The following RPL27A variants were observed in gnomAD, a reference collection of about 807,000 sequenced individuals.
The protein encoded by RPL27A is ribosomal protein L27a.
For synonymous variants in RPL27A, 69 were observed against 68.3 expected, an observed-to-expected ratio of 1.01 and a Z score of -0.05; for missense variants, 118 against 189.4, an observed-to-expected ratio of 0.62 and a Z score of 2.21.
intron 4 of RPL27A, 111 bp from the exon 5 acceptor site, chr11:8,685,565 CAT>C: frequency 1.6e-6 from 2 of 1,224,900 alleles, no homozygotes; most frequent in South Asian, 2.4e-5. Context: ...AGATCAGAAA[CAT>C]ACATACCCTG....
intron 3 of RPL27A, 23 bp downstream of exon 3, chr11:8,684,104 T>C (rs765320333): frequency 7.5e-6 from 12 of 1,597,624 alleles, no homozygotes; most frequent in African/African-American, 2.7e-5. Flanking sequence ...GGACTGCTTT[T>C]ATTGACACAG....
At position 8,688,637 on chromosome 11, in the gene RPL27A, TTAAA is replaced by T. The variant is rs1354316261; in HGVS notation, c.*2834_*2837del. ...ATTTCTGGTCTAATGTATATATGCC[TTAAA>T]TATAGTTGCGTTCAAACGTGGGAGC... On this transcript the variant is annotated 3_prime_UTR_variant, in exon 5 of 5. Coordinates refer to ENST00000314138, the MANE Select transcript of RPL27A (RefSeq NM_000990.5). The T allele has an allele frequency of 1.3e-5, 2 of 152,244 alleles. No individual in the cohort carries two copies. The highest frequency in any genetic ancestry group is 2.9e-5 in the Non-Finnish European group (2 of 68,048). The allele number at this position is 152,244 out of a possible 1,614,324, so 9.4% of individuals were successfully genotyped here.
intron 4 of RPL27A, chr11:8,685,455 C>T (rs2039577449): frequency 4.3e-6 from 3 of 704,326 alleles, no homozygotes; most frequent in Admixed American, 1.8e-5. Flanking sequence ...ACTAGAGTCA[C>T]ATCCTGACAC....
In RPL27A at chr11:8,683,366, T is replaced by C. The variant is rs535058012; in HGVS notation, c.67+101T>C. The stretch of plus-strand genomic sequence containing the variant: ...ATAAGTGGGTTAGAATAAGACCTTT[T>C]TGTGGTCAAGTTGCACAGCTGTTGA... On this transcript the variant is annotated intron_variant, in intron 2 of 4. Coordinates refer to ENST00000314138, the MANE Select transcript of RPL27A (RefSeq NM_000990.5). 14 of 1,001,224 alleles carry C rather than the reference T, an allele frequency of 1.4e-5. No homozygotes were observed. In the African/African-American group the frequency reaches 1.9e-4, roughly 14 times the overall value. 62.0% of individuals were successfully genotyped at this position (1,001,224 alleles called of 1,614,324 possible). A position where few individuals can be genotyped will look rare whatever the true frequency, so the allele number is the denominator to read the frequency against.
chr11:8,683,058 C>G (rs999003335), intron 1 of RPL27A, 144 bp from the exon 2 acceptor site: 6 of 943,168 alleles, frequency 6.4e-6, no homozygotes, highest in African/African-American at 4.9e-5. Context: ...CCTCACGGCC[C>G]TGAGCGGATC....
At position 8,686,030 on chromosome 11, in the gene RPL27A, A is replaced by G. The variant is rs2039584271; in HGVS notation, c.*224A>G. On this transcript the variant is annotated 3_prime_UTR_variant, in exon 5 of 5. Transcript: ENST00000314138. ...AAACATTTCTGTTTATAAAGTCAGA[A>G]TAATACCTGTTGATCACTGAAAGGC... 4 of 521,234 alleles carry G rather than the reference A, an allele frequency of 7.7e-6. No homozygotes were observed. The highest frequency in any genetic ancestry group is 1.4e-5 in the Non-Finnish European group (4 of 290,080). 32.3% of individuals were successfully genotyped at this position (521,234 alleles called of 1,614,324 possible). A position where few individuals can be genotyped will look rare whatever the true frequency, so the allele number is the denominator to read the frequency against.
In RPL27A at chr11:8,684,032, C is replaced by T; in HGVS notation, c.94C>T (p.Arg32Cys). ...CAAGCACCGGAAGCACCCCGGCGGC[C>T]GCGGTAATGCTGGTGGTCTGCATCA... The part of the protein sequence containing the change: ...IGKHRKHPGG[R>C]GNAGGLHHHR... The change falls in exon 3 of 5, where the codon CGC (arginine) becomes TGC (cysteine). Residue 32 changes from arginine to cysteine, a missense_variant. By Grantham distance (180) the Arg-to-Cys change is radical. Coordinates refer to ENST00000314138, the MANE Select transcript of RPL27A (RefSeq NM_000990.5). The T allele has an allele frequency of 1.2e-6, 2 of 1,613,086 alleles. No homozygotes were observed. The highest frequency in any genetic ancestry group is 1.1e-5 in the South Asian group (1 of 91,086).
At chr11:8,684,288 A>G in intron 3 of RPL27A, 1 of 756,312 alleles carries the variant, frequency 1.3e-6, no homozygotes, top group Non-Finnish European at 2.4e-6. Context: ...GTCCTCGAAG[A>G]GTAACTGCTG....
chr11:8,685,029 AGGTAGT>A, intron 4 of RPL27A, 137 bp downstream of exon 4: 1 of 888,502 alleles, frequency 1.1e-6, no homozygotes, highest in Admixed American at 2.0e-5. Context: ...GAATTATCAT[AGGTAGT>A]TCCCTATCCG....
chr11:8,688,812 G>C lies in RPL27A; in HGVS notation c.*3006G>C, dbSNP rs1283477997. 2 of 152,250 alleles carry C rather than the reference G, an allele frequency of 1.3e-5. No homozygotes were observed. Among genetic ancestry groups the C allele is most frequent in the African/African-American group, 4.8e-5 (2 of 41,474 alleles). The allele number at this position is 152,250 out of a possible 1,614,324, so 9.4% of individuals were successfully genotyped here. A position where few individuals can be genotyped will look rare whatever the true frequency, so the allele number is the denominator to read the frequency against. ...TTAGCGGCTAACTAGCCCAAGAGCA[G>C]ACAGCCCACGGACGGACTGCAAGTC... is the stretch of plus-strand genomic sequence containing the variant. On this transcript the variant is annotated 3_prime_UTR_variant, in exon 5 of 5. Coordinates refer to ENST00000314138, the MANE Select transcript of RPL27A (RefSeq NM_000990.5).
chr11:8,684,802 C>A lies in RPL27A; in HGVS notation c.228C>A (p.Asp76Glu), dbSNP rs1439788404. The A allele has an allele frequency of 1.2e-6, 2 of 1,613,742 alleles. No individual in the cohort carries two copies. The highest frequency in any genetic ancestry group is 2.7e-5 in the African/African-American group (2 of 74,922). Reference sequence around the variant, plus strand: ...GCTTCTGCCCAACTGTCAACCTTGACAAATTGTGGACTTTGGTCAGTGAAC... The same window carrying A: ...GCTTCTGCCCAACTGTCAACCTTGAAAAATTGTGGACTTTGGTCAGTGAAC... The part of the protein sequence containing the change: ...NQSFCPTVNL[D>E]KLWTLVSEQT... The change falls in exon 4 of 5, where the codon GAC becomes GAA. Residue 76 changes from aspartate to glutamate, a missense_variant. Coordinates refer to ENST00000314138, the MANE Select transcript of RPL27A (RefSeq NM_000990.5).
rs537104376 is a variant in RPL27A, at chr11:8,689,212, C to T, written c.*3406C>T. ...ATGGCCAACCTCGCCGCACTTCGAGCCCCTTTAGGGTGCGTTTAAGAACAG... is the reference window on the plus strand; with the variant it reads ...ATGGCCAACCTCGCCGCACTTCGAGTCCCTTTAGGGTGCGTTTAAGAACAG... On this transcript the variant is annotated 3_prime_UTR_variant, in exon 5 of 5. Transcript: ENST00000314138. 5 of 152,380 alleles carry T rather than the reference C, an allele frequency of 3.3e-5. No homozygotes were observed. In the South Asian group the frequency reaches 6.2e-4, roughly 19 times the overall value. 9.4% of individuals were successfully genotyped at this position (152,380 alleles called of 1,614,324 possible).
intron 4 of RPL27A, 91 bp from the exon 5 acceptor site, chr11:8,685,587 T>A (rs772852279): frequency 2.1e-6 from 3 of 1,427,204 alleles, no homozygotes; most frequent in Non-Finnish European, 2.0e-6. Flanking sequence ...GCCTAGGGAT[T>A]TAGAAAGTGG....
Position 8,684,118 on chromosome 11 carries a change from G to A in RPL27A, c.143+37G>A, listed in dbSNP as rs747496080. ...TGGACTGCTTTTATTGACACAGCTT[G>A]GGAGGTAGGGGCAGAGAGAGGGCTG... On this transcript the variant is annotated intron_variant, in intron 3 of 4. Coordinates refer to ENST00000314138, the MANE Select transcript of RPL27A (RefSeq NM_000990.5). 9 of 1,547,714 alleles carry A rather than the reference G, an allele frequency of 5.8e-6. No homozygotes were observed. The East Asian group carries it at 1.1e-4, about 19-fold the overall frequency.
rs913487544 is a variant in RPL27A at position 8,686,941 on chromosome 11, G to A, written c.*1135G>A. The A allele has an allele frequency of 1.3e-5, 2 of 152,172 alleles. No homozygotes were observed. The highest frequency in any genetic ancestry group is 2.1e-4 in the South Asian group (1 of 4,832). The allele number at this position is 152,172 out of a possible 1,614,324, so 9.4% of individuals were successfully genotyped here. A position where few individuals can be genotyped will look rare whatever the true frequency, so the allele number is the denominator to read the frequency against. On this transcript the variant is annotated 3_prime_UTR_variant, in exon 5 of 5. Transcript: ENST00000314138. Reference sequence around the variant, plus strand: ...CACTTAGACTCCTGGGTTTTAGTTAGTGGAGGTTTCCTTAGTGCACTGTGG... The same window carrying A: ...CACTTAGACTCCTGGGTTTTAGTTAATGGAGGTTTCCTTAGTGCACTGTGG...
In RPL27A at chr11:8,688,721, G is replaced by A. The variant is rs1224056582; in HGVS notation, c.*2915G>A. The A allele has an allele frequency of 1.3e-5, 2 of 152,268 alleles. No individual in the cohort carries two copies. Among genetic ancestry groups the A allele is most frequent in the African/African-American group, 4.8e-5 (2 of 41,464 alleles). The allele number at this position is 152,268 out of a possible 1,614,324, so 9.4% of individuals were successfully genotyped here. A position where few individuals can be genotyped will look rare whatever the true frequency, so the allele number is the denominator to read the frequency against. Reference sequence around the variant, plus strand: ...GGCTGCCACATAATTTGCACAAGCAGTGCTCGTCAAGGGCAGCTAAATCAG... The same window carrying A: ...GGCTGCCACATAATTTGCACAAGCAATGCTCGTCAAGGGCAGCTAAATCAG... On this transcript the variant is annotated 3_prime_UTR_variant, in exon 5 of 5. Transcript: ENST00000314138.
chr11:8,686,341 C>G lies in RPL27A; in HGVS notation c.*535C>G, dbSNP rs1425985044. ...CCGCCTCCCAGGTTAAGCGATTCTC[C>G]TGCCTCAGCTTCCTGACTAACTGGG... On this transcript the variant is annotated 3_prime_UTR_variant, in exon 5 of 5. Transcript: ENST00000314138. 2.0e-5 allele frequency: 3 copies of G among 152,994 alleles called. No homozygotes were observed. Among genetic ancestry groups the G allele is most frequent in the African/African-American group, 7.2e-5 (3 of 41,424 alleles). The allele number at this position is 152,994 out of a possible 1,614,324, so 9.5% of individuals were successfully genotyped here. A position where few individuals can be genotyped will look rare whatever the true frequency, so the allele number is the denominator to read the frequency against.
In RPL27A at chr11:8,689,213, C is replaced by G. The variant is rs1370153961; in HGVS notation, c.*3407C>G. On this transcript the variant is annotated 3_prime_UTR_variant, in exon 5 of 5. Coordinates refer to ENST00000314138, the MANE Select transcript of RPL27A (RefSeq NM_000990.5). ...TGGCCAACCTCGCCGCACTTCGAGC[C>G]CCTTTAGGGTGCGTTTAAGAACAGT... The G allele has an allele frequency of 5.9e-5, 9 of 152,214 alleles. No homozygotes were observed. The highest frequency in any genetic ancestry group is 1.3e-4 in the Non-Finnish European group (9 of 68,054). 9.4% of individuals were successfully genotyped at this position (152,214 alleles called of 1,614,324 possible). A position where few individuals can be genotyped will look rare whatever the true frequency, so the allele number is the denominator to read the frequency against.
chr11:8,685,490 T>C, intron 4 of RPL27A, 188 bp from the exon 5 acceptor site: 1 of 742,602 alleles, frequency 1.3e-6, no homozygotes, highest in Non-Finnish European at 2.5e-6. Flanking sequence ...TGTGCTAGAG[T>C]ACTCGAAGAG....
Sources: gnomAD v4.1 joint callset for allele counts on GRCh38, gnomAD v4.1.1 for gene constraint, MANE v1.5 for transcripts, NCBI Gene and HGNC (gene_info 2026-07-23, HGNC 2026-07-21) for gene names.